GABRB1: variants seen among roughly 807,000 people sequenced by gnomAD.
GABRB1 encodes gamma-aminobutyric acid type A receptor subunit beta1, also known as gamma-aminobutyric acid receptor subunit beta-1.
A neutral mutation model predicts 51.6 loss-of-function variants in GABRB1; 17 were observed. That is an observed-to-expected ratio of 0.33 (90% CI 0.23 to 0.49). GABRB1 has a LOEUF of 0.49. GABRB1 is among the 20% of genes least tolerant of loss of function. GABRB1 has a pLI of 0.99. For synonymous variants in GABRB1, 247 were observed against 218.9 expected, an observed-to-expected ratio of 1.13 and a Z score of -1.14; for missense variants, 410 against 600.6, an observed-to-expected ratio of 0.68 and a Z score of 3.32.
chr4:47,087,134 C>T (rs1378745079), intron 3 of GABRB1, among the ~76,000 whole-genome samples: 1 of 152,186 alleles, frequency 6.6e-6, no homozygotes, highest in Non-Finnish European at 1.5e-5. Flanking sequence ...AGAGTTTATA[C>T]TTAATCCATG....
In GABRB1 at chr4:47,376,917, A is replaced by G. The variant is rs138879828; in HGVS notation, c.545-26401A>G. On this transcript the variant is annotated intron_variant, in intron 5 of 8. Coordinates refer to ENST00000295454, the MANE Select transcript of GABRB1 (RefSeq NM_000812.4). ...TTGCAATCTTGAGATTTTGCTCTTA[A>G]GTAGATGAATGTTTCTTTTCTCCTC... is the stretch of plus-strand genomic sequence containing the variant. Among the ~76,000 whole-genome samples, 592 of 152,328 alleles carry G rather than the reference A, an allele frequency of 3.9e-3. 4 individuals carry two copies. The highest frequency in any genetic ancestry group is 0.014 in the African/African-American group (568 of 41,578).
chr4:47,090,258 G>A (rs1728239984), intron 3 of GABRB1, among the ~76,000 whole-genome samples: 1 of 152,182 alleles, frequency 6.6e-6, no homozygotes, highest in Non-Finnish European at 1.5e-5. Context: ...AATGTCTAAT[G>A]CAATCAATTG....
chr4:47,050,588 C>T (rs1242544514), intron 3 of GABRB1, among the ~76,000 whole-genome samples: 1 of 151,986 alleles, frequency 6.6e-6, no homozygotes, highest in Admixed American at 6.6e-5. Context: ...TTATAAATAC[C>T]AGCTTATCAT....
intron 4 of GABRB1, among the ~76,000 whole-genome samples, chr4:47,308,704 G>A (rs1724556514): frequency 6.6e-6 from 1 of 152,068 alleles, no homozygotes; most frequent in African/African-American, 2.4e-5. Flanking sequence ...GGAGATTCAT[G>A]TATTTGCTCT....
chr4:47,086,424 A>T (rs1360701188), intron 3 of GABRB1, among the ~76,000 whole-genome samples: 1 of 152,236 alleles, frequency 6.6e-6, no homozygotes, highest in Non-Finnish European at 1.5e-5. Flanking sequence ...CAAATCTTTT[A>T]CATATTCTTT....
At chr4:47,226,930 T>C (rs1041762557) in intron 4 of GABRB1, among the ~76,000 whole-genome samples, 1 of 152,192 alleles carries the variant, frequency 6.6e-6, no homozygotes, top group African/African-American at 2.4e-5. Context: ...TAAAGTGATA[T>C]GGAGTGAATA....
chr4:47,285,340 G>C (rs1723468368), intron 4 of GABRB1, among the ~76,000 whole-genome samples: 1 of 152,124 alleles, frequency 6.6e-6, no homozygotes, highest in South Asian at 2.1e-4. Flanking sequence ...GCTTCCCAAT[G>C]TAATTATAAC....
At chr4:47,082,408 T>C (rs1361498472) in intron 3 of GABRB1, among the ~76,000 whole-genome samples, 1 of 152,126 alleles carries the variant, frequency 6.6e-6, no homozygotes, top group Non-Finnish European at 1.5e-5. Context: ...ATAGATGTTA[T>C]AAAGGCCCTA....
chr4:47,129,316 C>T (rs186891849), intron 3 of GABRB1, among the ~76,000 whole-genome samples: 3 of 152,060 alleles, frequency 2.0e-5, no homozygotes, highest in African/African-American at 7.2e-5. Flanking sequence ...CAAAGCAGAC[C>T]CCAAACTGAA....
intron 5 of GABRB1, among the ~76,000 whole-genome samples, chr4:47,341,719 T>C (rs1300800730): frequency 2.6e-5 from 4 of 152,206 alleles, no homozygotes; most frequent in African/African-American, 9.6e-5. Flanking sequence ...GCTTAAATTC[T>C]GAACCAAAGT....
At chr4:47,350,214 TATATAGAG>T (rs1466976692) in intron 5 of GABRB1, among the ~76,000 whole-genome samples, 1,446 of 79,252 alleles carry the variant, frequency 0.018, 13 homozygotes, top group Non-Finnish European at 0.022. Context: ...TATATATATA[TATATAGAG>T]AGAGAGAGAG....
At chr4:47,110,600 G>A (rs1027988325) in intron 3 of GABRB1, among the ~76,000 whole-genome samples, 1 of 152,138 alleles carries the variant, frequency 6.6e-6, no homozygotes, top group Non-Finnish European at 1.5e-5. Flanking sequence ...AGGCATCTAA[G>A]GGAATCTGTT....
At chr4:47,424,405 C>T (rs1432079499) in intron 8 of GABRB1, among the ~76,000 whole-genome samples, 1 of 152,196 alleles carries the variant, frequency 6.6e-6, no homozygotes, top group Non-Finnish European at 1.5e-5. Flanking sequence ...AAATGCTACT[C>T]ATGATGGGAA....
At chr4:47,032,860 G>A in intron 3 of GABRB1, 1 of 409,704 alleles carries the variant, frequency 2.4e-6, no homozygotes. Flanking sequence ...CCGGTGGTCG[G>A]CAGCCATCAC....
chr4:47,402,481 T>C (rs1728428809), intron 5 of GABRB1, among the ~76,000 whole-genome samples: 1 of 152,248 alleles, frequency 6.6e-6, no homozygotes, highest in Non-Finnish European at 1.5e-5. Context: ...TTTTTAGATT[T>C]TTAAAATGTA....
intron 3 of GABRB1, among the ~76,000 whole-genome samples, chr4:47,090,853 A>G (rs1019461451): frequency 1.4e-4 from 22 of 152,218 alleles, no homozygotes; most frequent in African/African-American, 5.3e-4. Flanking sequence ...TCTACCTAGC[A>G]CTTCCCTACT....
chr4:47,350,728 A>G (rs146217065), intron 5 of GABRB1, among the ~76,000 whole-genome samples: 1 of 152,288 alleles, frequency 6.6e-6, no homozygotes, highest in African/African-American at 2.4e-5. Flanking sequence ...CCTTTTTAAA[A>G]TATATGTAGA....
intron 3 of GABRB1, 151 bp downstream of exon 3, chr4:47,032,635 C>T: frequency 1.3e-6 from 1 of 760,638 alleles, no homozygotes; most frequent in East Asian, 2.6e-5. Flanking sequence ...CACACACACC[C>T]GGTCGCCCCT....
chr4:47,009,040 T>C (rs951706059), intron 1 of GABRB1, among the ~76,000 whole-genome samples: 70 of 147,822 alleles, frequency 4.7e-4, no homozygotes, highest in Admixed American at 2.4e-3. Flanking sequence ...ATTTTTTGTA[T>C]TTTTTAGTAG....
Sources: allele counts gnomAD v4.1 joint callset (sites outside exome capture counted in the v4.1 genomes callset), GRCh38; gene constraint gnomAD v4.1.1; transcripts MANE v1.5; gene names NCBI Gene and HGNC (gene_info 2026-07-23, HGNC 2026-07-21).